LDLRAD4: variants seen among roughly 807,000 people sequenced by gnomAD.
LDLRAD4 encodes low-density lipoprotein receptor class A domain-containing protein 4.
LDLRAD4 carries 5 observed loss-of-function variants against 17.0 expected under a neutral mutation model. The observed-to-expected ratio is 0.29, with a 90% CI of 0.15 to 0.62. LDLRAD4 has a LOEUF of 0.62. Ranked by LOEUF, LDLRAD4 falls within the 20% of genes least tolerant of loss-of-function variation. The pLI, the probability that LDLRAD4 is intolerant of heterozygous loss-of-function variation, is 0.84. For synonymous variants in LDLRAD4, 168 were observed against 171.8 expected (o/e 0.98, Z 0.17); for missense variants, 340 against 424.7 (o/e 0.80, Z 1.75).
chr18:13,552,809 G>A (rs934108590), intron 3 of LDLRAD4, among the ~76,000 whole-genome samples: 2 of 152,132 alleles, frequency 1.3e-5, no homozygotes, highest in Non-Finnish European at 2.9e-5. Flanking sequence ...GTTCTTTACC[G>A]AGCTTCAGTT....
At chr18:13,312,264 G>A (rs1294958559) in intron 1 of LDLRAD4, among the ~76,000 whole-genome samples, 1 of 152,150 alleles carries the variant, frequency 6.6e-6, no homozygotes, top group African/African-American at 2.4e-5. Flanking sequence ...ATATGTGTAA[G>A]GTGTATGTGA....
At chr18:13,434,145 A>C (rs1365867452) in intron 2 of LDLRAD4, among the ~76,000 whole-genome samples, 2 of 149,886 alleles carry the variant, frequency 1.3e-5, no homozygotes, top group African/African-American at 4.9e-5. Flanking sequence ...GTAGAAATGC[A>C]GAGAAGCTGA....
chr18:13,408,116 G>T (rs1433080812), intron 2 of LDLRAD4, among the ~76,000 whole-genome samples: 2 of 152,156 alleles, frequency 1.3e-5, no homozygotes, highest in Admixed American at 1.3e-4. Context: ...GCTCATGCCT[G>T]TAATCTCAGT....
chr18:13,231,374 G>A (rs1190862442), intron 1 of LDLRAD4, among the ~76,000 whole-genome samples: 1 of 152,194 alleles, frequency 6.6e-6, no homozygotes, highest in African/African-American at 2.4e-5. Context: ...TGGTGAGCAT[G>A]TCGGGTGGCC....
intron 1 of LDLRAD4, among the ~76,000 whole-genome samples, chr18:13,345,364 G>A (rs1161724705): frequency 1.3e-5 from 2 of 152,186 alleles, no homozygotes; most frequent in East Asian, 3.8e-4. Context: ...CATTGGTTCT[G>A]TTTATATGCT....
At chr18:13,582,258 T>C (rs1489869264) in intron 3 of LDLRAD4, among the ~76,000 whole-genome samples, 1 of 152,238 alleles carries the variant, frequency 6.6e-6, no homozygotes, top group Non-Finnish European at 1.5e-5. Context: ...TTGAATGGCC[T>C]AAAAGGGCAA....
chr18:13,487,960 G>A (rs1367486312), intron 3 of LDLRAD4: 3 of 152,612 alleles, frequency 2.0e-5, no homozygotes, highest in Non-Finnish European at 4.4e-5. Flanking sequence ...AGGGCCCTGG[G>A]CGAGGAATTT....
intron 3 of LDLRAD4, among the ~76,000 whole-genome samples, chr18:13,531,331 T>G (rs115013272): frequency 0.013 from 1,909 of 152,030 alleles, 43 homozygotes; most frequent in African/African-American, 0.044. Context: ...GTGCGCACTG[T>G]GTGATTATAG....
rs377564367 is a variant in LDLRAD4 at position 13,568,883 on chromosome 18, A to G, written c.182-52234A>G. Among the ~76,000 whole-genome samples the G allele has an allele frequency of 3.3e-5, 5 of 152,314 alleles. No homozygotes were observed. In the East Asian group the frequency reaches 5.8e-4, roughly 18 times the overall value. Reference sequence around the variant, plus strand: ...GGAAGTGTGTTCACATCTAGTCAGCATGGTCATCTTGAAGGGCTCAGGGAA... The same window carrying G: ...GGAAGTGTGTTCACATCTAGTCAGCGTGGTCATCTTGAAGGGCTCAGGGAA... On this transcript the variant is annotated intron_variant, in intron 3 of 5. Coordinates refer to ENST00000359446, the Ensembl canonical transcript of LDLRAD4.
intron 3 of LDLRAD4, among the ~76,000 whole-genome samples, chr18:13,573,896 C>T (rs528547058): frequency 1.7e-4 from 26 of 152,298 alleles, no homozygotes; most frequent in Admixed American, 3.9e-4. Flanking sequence ...GTGGGTGACG[C>T]GCTCCTTCTC....
At chr18:13,649,221 C>T (rs996226923) in exon 6 of LDLRAD4, 3 of 152,210 alleles carry the variant, frequency 2.0e-5, no homozygotes, top group African/African-American at 7.2e-5. Flanking sequence ...TGTACCCAGG[C>T]GAGGACTTCT....
At chr18:13,274,282 G>C (rs1266885417), upstream of LDLRAD4, among the ~76,000 whole-genome samples, 2 of 152,214 alleles carry the variant, frequency 1.3e-5, no homozygotes, top group Non-Finnish European at 2.9e-5. Flanking sequence ...TGGGGCATCA[G>C]GTCTGTCTTT....
chr18:13,429,055 G>A (rs1020256738), intron 2 of LDLRAD4, among the ~76,000 whole-genome samples: 12 of 152,136 alleles, frequency 7.9e-5, no homozygotes, highest in Non-Finnish European at 1.3e-4. Context: ...GTGAGCTGGA[G>A]CACTCCAAGG....
rs543096052 is a variant in LDLRAD4, at chr18:13,604,462, A to G, written c.182-16655A>G. Among the ~76,000 whole-genome samples the G allele has an allele frequency of 2.6e-5, 4 of 152,346 alleles. No individual in the cohort carries two copies. In the East Asian group the frequency reaches 7.7e-4, roughly 29 times the overall value. ...GCAAGAATGCGTGACATTTGCCTGGATTAAGGAGCTAATGAAACTGGGGTT... is the reference window on the plus strand; with the variant it reads ...GCAAGAATGCGTGACATTTGCCTGGGTTAAGGAGCTAATGAAACTGGGGTT... On this transcript the variant is annotated intron_variant, in intron 3 of 5. Transcript: ENST00000359446.
At chr18:13,538,320 T>C (rs2094227157) in intron 3 of LDLRAD4, among the ~76,000 whole-genome samples, 1 of 152,250 alleles carries the variant, frequency 6.6e-6, no homozygotes, top group Non-Finnish European at 1.5e-5. Context: ...TAGACATTCC[T>C]GTAAGCACCA....
At chr18:13,441,549 G>A (rs2091022678) in intron 3 of LDLRAD4, among the ~76,000 whole-genome samples, 1 of 152,238 alleles carries the variant, frequency 6.6e-6, no homozygotes, top group Non-Finnish European at 1.5e-5. Context: ...AGGCTGAAGC[G>A]AGGTGAGACC....
chr18:13,303,835 C>T (rs1351077448), intron 1 of LDLRAD4, among the ~76,000 whole-genome samples: 8 of 152,178 alleles, frequency 5.3e-5, no homozygotes, highest in African/African-American at 1.7e-4. Context: ...TAGATAAGCA[C>T]CAGGTTCTCC....
At chr18:13,584,425 T>C (rs2094907849) in intron 3 of LDLRAD4, among the ~76,000 whole-genome samples, 1 of 152,216 alleles carries the variant, frequency 6.6e-6, no homozygotes, top group South Asian at 2.1e-4. Flanking sequence ...GTGATAGCCC[T>C]GCCCAGCTGG....
At chr18:13,475,427 ATT>A (rs35255496) in intron 3 of LDLRAD4, among the ~76,000 whole-genome samples, 9 of 131,136 alleles carry the variant, frequency 6.9e-5, no homozygotes, top group African/African-American at 2.5e-4. Context: ...CACCCCGCTG[ATT>A]TTTTTTTTTT....
Sources: gnomAD v4.1 joint callset for allele counts (sites outside exome capture counted in the v4.1 genomes callset) on GRCh38, gnomAD v4.1.1 for gene constraint, MANE v1.5 for transcripts, NCBI Gene and HGNC (gene_info 2026-07-23, HGNC 2026-07-21) for gene names.